Variants in COL8A1 observed in about 807,000 individuals in gnomAD.
COL8A1 encodes the protein collagen alpha-1(VIII) chain.
A neutral mutation model predicts 42.7 loss-of-function variants in COL8A1; 21 were observed. The ratio of observed to expected loss-of-function variants is 0.49; its 90% CI spans 0.35 to 0.71. The LOEUF is 0.71. COL8A1 is among the 30% of genes least tolerant of loss of function. The pLI is 0.01. For missense variants in COL8A1, 788 were observed against 962.4 expected (o/e 0.82, Z 2.40); for synonymous variants, 367 against 369.1 (o/e 0.99, Z 0.06).
At chr3:99,646,047 GC>G (rs1937634631) in intron 1 of COL8A1, among the ~76,000 whole-genome samples, 1 of 152,162 alleles carries the variant, frequency 6.6e-6, no homozygotes, top group Non-Finnish European at 1.5e-5. Context: ...TCCAGAACCT[GC>G]TCCCCTAAAT....
rs1392149462 is a variant in COL8A1, at chr3:99,795,271, C to T, written c.1370C>T (p.Pro457Leu). Residue 457 changes from proline (P) to leucine (L), a missense_variant, in exon 4 of 4, where the codon CCC becomes CTC. Physicochemically the swap from Pro to Leu is moderately conservative, Grantham distance 98 (BLOSUM62 -3). This residue lies in a region of COL8A1 where 154 missense variants were observed against 182.3 expected (regional missense o/e 0.84). Transcript: ENST00000652472. ...CCTGGCATGAGGGGTTTGCCAGGTC[C>T]CATAGGGCCCAAGGGGGAAGCTGGG... ...GPPGMRGLPGPIGPKGEAGQK... is the reference protein window; with the variant it reads ...GPPGMRGLPGLIGPKGEAGQK... 1 of 1,612,864 alleles carries T rather than the reference C, an allele frequency of 6.2e-7. No homozygotes were observed. The highest frequency in any genetic ancestry group is 2.2e-5 in the East Asian group (1 of 44,848).
chr3:99,727,224 T>A (rs1940361516), intron 1 of COL8A1, among the ~76,000 whole-genome samples: 1 of 152,122 alleles, frequency 6.6e-6, no homozygotes, highest in South Asian at 2.1e-4. Context: ...TGTCTGTTAT[T>A]GGTGTATAAG....
intron 1 of COL8A1, among the ~76,000 whole-genome samples, chr3:99,697,216 G>C (rs1226853109): frequency 6.6e-6 from 1 of 151,740 alleles, no homozygotes; most frequent in Non-Finnish European, 1.5e-5. Flanking sequence ...TCGATCTCCT[G>C]ACCTCGTGAT....
chr3:99,680,882 A>T (rs1434071358), intron 1 of COL8A1, among the ~76,000 whole-genome samples: 2 of 152,098 alleles, frequency 1.3e-5, no homozygotes, highest in African/African-American at 4.8e-5. Flanking sequence ...GAAACAAGAA[A>T]TGGAGAAAGG....
At chr3:99,718,324 G>A (rs1940058429) in intron 1 of COL8A1, among the ~76,000 whole-genome samples, 2 of 152,020 alleles carry the variant, frequency 1.3e-5, no homozygotes, top group South Asian at 4.1e-4. Context: ...TGATGAATGA[G>A]CTCAGAGTAG....
chr3:99,707,602 C>A (rs1343378296), intron 1 of COL8A1, among the ~76,000 whole-genome samples: 1 of 152,160 alleles, frequency 6.6e-6, no homozygotes, highest in Non-Finnish European at 1.5e-5. Flanking sequence ...GGTCCCTATT[C>A]GCTAGGTAAG....
intron 2 of COL8A1, among the ~76,000 whole-genome samples, chr3:99,753,607 G>A (rs1423853656): frequency 1.3e-5 from 2 of 152,182 alleles, no homozygotes; most frequent in African/African-American, 4.8e-5. Flanking sequence ...ACTGCATCAA[G>A]AGACTACAGA....
At chr3:99,658,128 A>C (rs1362334931) in intron 1 of COL8A1, among the ~76,000 whole-genome samples, 27 of 147,260 alleles carry the variant, frequency 1.8e-4, no homozygotes, top group African/African-American at 2.8e-4. Flanking sequence ...AAAACAAAAA[A>C]CAAAAAAAAA....
intron 1 of COL8A1, chr3:99,680,269 G>C (rs922486689): frequency 6.6e-6 from 1 of 152,298 alleles, no homozygotes; most frequent in African/African-American, 2.4e-5. Context: ...CTTTGCGATA[G>C]TTTGCTCAGA....
At chr3:99,771,504 G>A (rs760477119) in intron 2 of COL8A1, among the ~76,000 whole-genome samples, 1 of 152,132 alleles carries the variant, frequency 6.6e-6, no homozygotes, top group Non-Finnish European at 1.5e-5. Context: ...GAGGAAAAAG[G>A]TGTCTTTTAA....
chr3:99,735,732 G>C (rs1274556994), intron 1 of COL8A1, among the ~76,000 whole-genome samples: 2 of 151,888 alleles, frequency 1.3e-5, no homozygotes, highest in South Asian at 4.2e-4. Context: ...AATGGTACCA[G>C]CTCCTCCTTG....
At chr3:99,658,158 T>A (rs1362136477) in intron 1 of COL8A1, among the ~76,000 whole-genome samples, 1 of 151,312 alleles carries the variant, frequency 6.6e-6, no homozygotes, top group African/African-American at 2.4e-5. Context: ...TTCAAAGACA[T>A]TTCATAGCCT....
intron 1 of COL8A1, among the ~76,000 whole-genome samples, chr3:99,680,758 C>T (rs1938850775): frequency 6.6e-6 from 1 of 152,108 alleles, no homozygotes; most frequent in Admixed American, 6.5e-5. Context: ...GCTCCAGTAA[C>T]CAAAACAGCA....
intron 1 of COL8A1, among the ~76,000 whole-genome samples, chr3:99,669,542 A>G (rs1938478876): frequency 6.6e-6 from 1 of 152,082 alleles, no homozygotes; most frequent in African/African-American, 2.4e-5. Context: ...GTTTAAGACT[A>G]TAAAGGGAGA....
chr3:99,733,932 C>T (rs1417540682), intron 1 of COL8A1, among the ~76,000 whole-genome samples: 2 of 152,068 alleles, frequency 1.3e-5, no homozygotes, highest in Non-Finnish European at 2.9e-5. Flanking sequence ...TGTTTTTTGG[C>T]TGCATAAATG....
At chr3:99,705,776 C>T (rs909840558) in intron 1 of COL8A1, among the ~76,000 whole-genome samples, 1 of 151,932 alleles carries the variant, frequency 6.6e-6, no homozygotes, top group Non-Finnish European at 1.5e-5. Flanking sequence ...ACTCCTGCCC[C>T]CCCGGTATGA....
At chr3:99,727,355 G>A (rs914283718) in intron 1 of COL8A1, among the ~76,000 whole-genome samples, 58 of 152,248 alleles carry the variant, frequency 3.8e-4, no homozygotes, top group South Asian at 2.9e-3. Context: ...CATGTCATCT[G>A]CAAACAGGGA....
At chr3:99,642,829 TG>T (rs1459744554) in intron 1 of COL8A1, among the ~76,000 whole-genome samples, 2 of 152,214 alleles carry the variant, frequency 1.3e-5, no homozygotes, top group African/African-American at 4.8e-5. Flanking sequence ...CCCTATCAAA[TG>T]TAAAAGCTTC....
chr3:99,687,734 C>CTAATAACATTA (rs1939106068), intron 1 of COL8A1, among the ~76,000 whole-genome samples: 1 of 152,140 alleles, frequency 6.6e-6, no homozygotes, highest in Non-Finnish European at 1.5e-5. Context: ...ATGTATTATA[C>CTAATAACATTA]TAATAACATT....
Sources: gnomAD v4.1 joint callset for allele counts (sites outside exome capture counted in the v4.1 genomes callset) on GRCh38, gnomAD v4.1.1 for gene constraint, gnomAD v4.1.1 regional missense constraint, MANE v1.5 for transcripts, NCBI Gene and HGNC (gene_info 2026-07-23, HGNC 2026-07-21) for gene names.